SUDS3: variants seen among roughly 807,000 people sequenced by gnomAD.
SUDS3 encodes sin3 histone deacetylase corepressor complex component SDS3.
SUDS3 carries 23 observed loss-of-function variants against 53.5 expected under a neutral mutation model. That is an observed-to-expected ratio of 0.43 (90% confidence interval 0.31 to 0.61). The LOEUF is 0.61. Among genes scored for constraint, SUDS3 ranks in the 20% least tolerant of loss-of-function variants. The probability of loss-of-function intolerance (pLI) is 0.10; values close to 1 mark genes in which losing one functional copy is unlikely to be tolerated. For synonymous variants in SUDS3, 150 were observed against 148.5 expected (o/e 1.01, Z -0.08); for missense variants, 291 against 405.9 (o/e 0.72, Z 2.43).
chr12:118,411,905 A>T (rs1813769376), intron 11 of SUDS3, among the ~76,000 whole-genome samples: 1 of 152,190 alleles, frequency 6.6e-6, no homozygotes, highest in South Asian at 2.1e-4. Flanking sequence ...ACATACCAGT[A>T]GATTTGTTTC....
rs1226869191 is a variant in SUDS3, at chr12:118,379,538, A to G, written c.143-624A>G. Among the ~76,000 whole-genome samples, 2 of 152,280 alleles carry G rather than the reference A, an allele frequency of 1.3e-5. 1 individual carries two copies. Among genetic ancestry groups the G allele is most frequent in the East Asian group, 3.9e-4 (2 of 5,182 alleles). On this transcript the variant is annotated intron_variant, in intron 1 of 11. Transcript: ENST00000543473. ...AGCTGAGGATTTTGGTATCCACGGG[A>G]GGTGCAGTAACCACTCCCCCACGGA...
At chr12:118,377,162 C>T (rs923682761) in intron 1 of SUDS3, among the ~76,000 whole-genome samples, 1 of 151,994 alleles carries the variant, frequency 6.6e-6, no homozygotes, top group Non-Finnish European at 1.5e-5. Flanking sequence ...CTGAATACAT[C>T]GAGTGTAGTT....
In SUDS3 at chr12:118,403,437, G is replaced by A. The variant is rs2141384539; in HGVS notation, c.723G>A (p.Leu241=). The change falls in exon 10 of 12, where the codon TTG becomes TTA. Residue 241 remains leucine (L), a synonymous_variant. Coordinates refer to ENST00000543473, the MANE Select transcript of SUDS3 (RefSeq NM_022491.3). ...RPASPSSPEH[L]PATPAESPAQ... Reference sequence around the variant, plus strand: ...CATCTCCATCCTCTCCTGAGCACTTGCCTGCAACACCCGCGGAATCTCCAG... The same window carrying A: ...CATCTCCATCCTCTCCTGAGCACTTACCTGCAACACCCGCGGAATCTCCAG... The A allele has an allele frequency of 6.2e-7, 1 of 1,613,690 alleles. No homozygotes were observed. Among genetic ancestry groups the A allele is most frequent in the Non-Finnish European group, 8.5e-7 (1 of 1,179,796 alleles).
At chr12:118,410,050 A>G (rs1266849593) in intron 10 of SUDS3, among the ~76,000 whole-genome samples, 1 of 152,250 alleles carries the variant, frequency 6.6e-6, no homozygotes, top group Non-Finnish European at 1.5e-5. Context: ...GGTATACGTC[A>G]TGGCACTTGG....
rs753255398 is a variant in SUDS3, at chr12:118,403,405, C to T, written c.698-7C>T. 1.2e-6 allele frequency: 2 copies of T among 1,611,302 alleles called. No individual in the cohort carries two copies. Among genetic ancestry groups the T allele is most frequent in the Non-Finnish European group, 8.5e-7 (1 of 1,178,340 alleles). On this transcript the variant is annotated splice_region_variant and splice_polypyrimidine_tract_variant and intron_variant, in intron 9 of 11. Transcript: ENST00000543473. ...TTCTTAGTCACGTAAGTATTGGTTT[C>T]CTCCAGCATCTCCATCCTCTCCTGA...
chr12:118,401,715 C>G (rs2046264172), intron 7 of SUDS3, 44 bp from the exon 8 acceptor site: 4 of 1,528,934 alleles, frequency 2.6e-6, no homozygotes, highest in Non-Finnish European at 3.6e-6. Context: ...TACTCTTTGC[C>G]TGGAAACTGT....
chr12:118,408,546 C>G (rs1168936163), intron 10 of SUDS3, among the ~76,000 whole-genome samples: 1 of 151,332 alleles, frequency 6.6e-6, no homozygotes, highest in Non-Finnish European at 1.5e-5. Flanking sequence ...GTTGGTCGGG[C>G]TGGTCTTGAA....
At chr12:118,402,046 A>G (rs767456128) in intron 9 of SUDS3, 42 bp downstream of exon 9, 3 of 1,611,918 alleles carry the variant, frequency 1.9e-6, no homozygotes, top group South Asian at 2.2e-5. Flanking sequence ...CCTTTTTATC[A>G]TGTTGTTGGA....
At position 118,404,814 on chromosome 12, in the gene SUDS3, G is replaced by T. The variant is rs185130212; in HGVS notation, c.803+1297G>T. ...TATCTAACCAAAAGTTCCAAAATTG[G>T]GGTAATGATTATTTATTTTGAATTC... is the stretch of plus-strand genomic sequence containing the variant. On this transcript the variant is annotated intron_variant, in intron 10 of 11. Coordinates refer to ENST00000543473, the MANE Select transcript of SUDS3 (RefSeq NM_022491.3). 2.0e-5 allele frequency among the ~76,000 whole-genome samples: 3 copies of T among 152,106 alleles called. No homozygotes were observed. In the East Asian group the frequency reaches 5.8e-4, roughly 29 times the overall value.
chr12:118,378,653 T>A (rs2046025153), intron 1 of SUDS3, among the ~76,000 whole-genome samples: 1 of 151,838 alleles, frequency 6.6e-6, no homozygotes, highest in Non-Finnish European at 1.5e-5. Flanking sequence ...GGCTAATTTT[T>A]GTGGTTTTAT....
At chr12:118,406,184 A>G (rs531628483) in intron 10 of SUDS3, among the ~76,000 whole-genome samples, 49 of 152,274 alleles carry the variant, frequency 3.2e-4, no homozygotes, top group Middle Eastern at 3.4e-3. Context: ...TAACTAATTG[A>G]TGGTACGGGT....
At position 118,416,113 on chromosome 12, in the gene SUDS3, G is replaced by C. The variant is rs1322166289; in HGVS notation, c.*1680G>C. ...TCACCTGTTCTTGTTTGTTAGCCTT[G>C]ACTGTGAGGCAGGACTTCCCTCGCT... On this transcript the variant is annotated 3_prime_UTR_variant, in exon 12 of 12. Transcript: ENST00000543473. 6.6e-6 allele frequency: 1 copy of C among 152,140 alleles called. No individual in the cohort carries two copies. The highest frequency in any genetic ancestry group is 1.5e-5 in the Non-Finnish European group (1 of 68,030). The allele number at this position is 152,140 out of a possible 1,614,324, so 9.4% of individuals were successfully genotyped here.
chr12:118,400,509 G>GGT, intron 6 of SUDS3, 150 bp from the exon 7 acceptor site: 1 of 671,308 alleles, frequency 1.5e-6, no homozygotes, highest in Non-Finnish European at 2.6e-6. Flanking sequence ...AATCTAATGG[G>GGT]GTGTCTGGCT....
chr12:118,381,634 G>GC (rs1418447136), intron 2 of SUDS3, among the ~76,000 whole-genome samples: 1 of 152,050 alleles, frequency 6.6e-6, no homozygotes, highest in Non-Finnish European at 1.5e-5. Context: ...TGATCCACCT[G>GC]CTTTGGTCTC....
At chr12:118,393,150 T>C (rs2046182850) in intron 6 of SUDS3, among the ~76,000 whole-genome samples, 1 of 152,168 alleles carries the variant, frequency 6.6e-6, no homozygotes, top group Admixed American at 6.5e-5. Flanking sequence ...AGAAGGGTAA[T>C]TAACATTTCC....
rs746426545 is a variant in SUDS3, at chr12:118,401,806, A to C, written c.661A>C (p.Arg221=). ...AGATGAACAGATCATGGAGGATCTG[A>C]GAACATTAAATAAGGTACGGTTTGA... ...LTDEQIMEDL[R]TLNKLKSPKR... is the part of the protein sequence containing the mutation. The change falls in exon 8 of 12, where the codon AGA becomes CGA. Residue 221 remains arginine, a synonymous_variant. Transcript: ENST00000543473. 1 of 1,613,858 alleles carries C rather than the reference A, an allele frequency of 6.2e-7. No individual in the cohort carries two copies.
chr12:118,389,148 C>CA (rs1307636885), intron 4 of SUDS3, among the ~76,000 whole-genome samples: 1 of 151,880 alleles, frequency 6.6e-6, no homozygotes, highest in East Asian at 1.9e-4. Context: ...GACTCTGTCT[C>CA]AAAAAAACCA....
At chr12:118,406,182 T>G (rs960609732) in intron 10 of SUDS3, among the ~76,000 whole-genome samples, 1 of 152,208 alleles carries the variant, frequency 6.6e-6, no homozygotes, top group African/African-American at 2.4e-5. Context: ...AATAACTAAT[T>G]GATGGTACGG....
chr12:118,383,896 C>G (rs369655280), intron 2 of SUDS3, 116 bp from the exon 3 acceptor site: 2 of 869,864 alleles, frequency 2.3e-6, no homozygotes, highest in East Asian at 5.3e-5. Flanking sequence ...TCCTCTCTTC[C>G]CTGAAGGACA....
Sources: gnomAD v4.1 joint callset for allele counts (sites outside exome capture counted in the v4.1 genomes callset) on GRCh38, gnomAD v4.1.1 for gene constraint, MANE v1.5 for transcripts, NCBI Gene and HGNC (gene_info 2026-07-23, HGNC 2026-07-21) for gene names.